Variants in KBTBD11 observed in about 807,000 individuals in gnomAD.
KBTBD11 encodes kelch repeat and BTB domain containing 11, also known as kelch repeat and BTB domain-containing protein 11.
For synonymous variants in KBTBD11, 747 were observed against 499.0 expected, an observed-to-expected ratio of 1.50 and a Z score of -6.63; for missense variants, 1,390 against 1,001.8, an observed-to-expected ratio of 1.39 and a Z score of -5.23.
intron 1 of KBTBD11, among the ~76,000 whole-genome samples, chr8:1,983,253 G>T (rs186717008): frequency 3.9e-5 from 6 of 152,154 alleles, no homozygotes; most frequent in African/African-American, 1.2e-4. Flanking sequence ...CTGCCACCCT[G>T]TGTGCACCCC....
rs149152516 is a variant in KBTBD11 at position 1,999,392 on chromosome 8, C to G, written c.-908-893C>G. On this transcript the variant is annotated intron_variant, in intron 1 of 1. Transcript: ENST00000320248. Reference sequence around the variant, plus strand: ...ACACGCATTCTGTATAAAGATAAGCCTGGTCATGTTTTGGATGGTTGTGTT... The same window carrying G: ...ACACGCATTCTGTATAAAGATAAGCGTGGTCATGTTTTGGATGGTTGTGTT... Among the ~76,000 whole-genome samples, 384 of 152,252 alleles carry G rather than the reference C, an allele frequency of 2.5e-3. 2 individuals carry two copies. Among genetic ancestry groups the G allele is most frequent in the African/African-American group, 8.9e-3 (370 of 41,536 alleles).
Position 2,001,477 on chromosome 8 carries a change from G to T in KBTBD11, c.285G>T (p.Glu95Asp), listed in dbSNP as rs1236054376. 4.3e-6 allele frequency: 6 copies of T among 1,379,666 alleles called. No individual in the cohort carries two copies. The highest frequency in any genetic ancestry group is 1.5e-5 in the African/African-American group (1 of 65,542). The allele number at this position is 1,379,666 out of a possible 1,614,324, so 85.5% of individuals were successfully genotyped here. ...AASPEELASPEERACPEEPAA... is the reference protein window; with the variant it reads ...AASPEELASPDERACPEEPAA... ...CCCCGGAGGAGCTCGCGTCCCCTGA[G>T]GAGCGCGCGTGCCCGGAAGAGCCCG... The change falls in exon 2 of 2, where the codon GAG becomes GAT. Residue 95 changes from glutamate to aspartate, a missense_variant. Transcript: ENST00000320248.
chr8:1,983,834 A>G lies in KBTBD11; in HGVS notation c.-909+9899A>G, dbSNP rs963756745. The stretch of plus-strand genomic sequence containing the variant: ...TTGAAGTCTAACATACAAACTGGAA[A>G]AAGTCACACATGGGGCTGGGCGTGG... On this transcript the variant is annotated intron_variant, in intron 1 of 1. Coordinates refer to ENST00000320248, the MANE Select transcript of KBTBD11 (RefSeq NM_014867.3). Among the ~76,000 whole-genome samples, 4 of 152,264 alleles carry G rather than the reference A, an allele frequency of 2.6e-5. No individual in the cohort carries two copies. The South Asian group carries it at 8.3e-4, about 31-fold the overall frequency.
intron 1 of KBTBD11, among the ~76,000 whole-genome samples, chr8:1,979,781 G>A (rs11783884): frequency 0.75 from 113,677 of 152,182 alleles, 42,648 homozygotes; most frequent in South Asian, 0.85. Flanking sequence ...TGGCCCACGC[G>A]GTCCTGAAGT....
At position 2,001,989 on chromosome 8, in the gene KBTBD11, T is replaced by G; in HGVS notation, c.797T>G (p.Val266Gly). ...TTCATGAGCGACCACTATCTGGAGGTGCTGCGCGAGCCCGCCGTGTTCGGC... is the reference window on the plus strand; with the variant it reads ...TTCATGAGCGACCACTATCTGGAGGGGCTGCGCGAGCCCGCCGTGTTCGGC... ...YCFMSDHYLEVLREPAVFGRL... is the reference protein window; with the variant it reads ...YCFMSDHYLEGLREPAVFGRL... The change falls in exon 2 of 2, where the codon GTG (valine) becomes GGG (glycine). Residue 266 changes from valine (V) to glycine (G), a missense_variant. By Grantham distance (109) the Val-to-Gly change is moderately radical. Transcript: ENST00000320248. The G allele has an allele frequency of 7.0e-7, 1 of 1,435,750 alleles. No homozygotes were observed. The highest frequency in any genetic ancestry group is 9.2e-7 in the Non-Finnish European group (1 of 1,088,342). The allele number at this position is 1,435,750 out of a possible 1,614,324, so 88.9% of individuals were successfully genotyped here.
chr8:1,986,917 A>C (rs775665466), intron 1 of KBTBD11, among the ~76,000 whole-genome samples: 6 of 150,098 alleles, frequency 4.0e-5, no homozygotes, highest in Non-Finnish European at 7.4e-5. Flanking sequence ...TCACTCCTGT[A>C]ATCTCAGCTC....
In KBTBD11 at chr8:2,001,175, G is replaced by A; in HGVS notation, c.-18G>A. On this transcript the variant is annotated 5_prime_UTR_variant, in exon 2 of 2. Transcript: ENST00000320248. ...GCGGAACCGGGGGCGCGCGGGCGCA[G>A]CGCAGCACAGCCCGGCCATGGAGCA... 1 of 1,326,182 alleles carries A rather than the reference G, an allele frequency of 7.5e-7. No homozygotes were observed. The highest frequency in any genetic ancestry group is 9.6e-7 in the Non-Finnish European group (1 of 1,038,696). 82.2% of individuals were successfully genotyped at this position (1,326,182 alleles called of 1,614,324 possible). A position where few individuals can be genotyped will look rare whatever the true frequency, so the allele number is the denominator to read the frequency against.
chr8:2,003,624 TA>T lies in KBTBD11; in HGVS notation c.*563del, dbSNP rs1817483232. 6.0e-6 allele frequency: 1 copy of T among 167,062 alleles called. No homozygotes were observed. Among genetic ancestry groups the T allele is most frequent in the African/African-American group, 2.4e-5 (1 of 41,452 alleles). The allele number at this position is 167,062 out of a possible 1,614,324, so 10.3% of individuals were successfully genotyped here. On this transcript the variant is annotated 3_prime_UTR_variant, in exon 2 of 2. Transcript: ENST00000320248. ...CCAAAAAGAGTAATTTAATAAGCAT[TA>T]AAGGTAAAATCTTTGATTACCAGTA... is the stretch of plus-strand genomic sequence containing the variant.
chr8:1,979,233 G>A (rs111517427), intron 1 of KBTBD11, among the ~76,000 whole-genome samples: 4 of 152,174 alleles, frequency 2.6e-5, no homozygotes, highest in Non-Finnish European at 4.4e-5. Flanking sequence ...GGGAACCTCC[G>A]CCTTTTTAAG....
rs911647858 is a variant in KBTBD11 at position 1,997,431 on chromosome 8, T to C, written c.-908-2854T>C. 2.7e-5 allele frequency among the ~76,000 whole-genome samples: 4 copies of C among 149,896 alleles called. No individual in the cohort carries two copies. In the East Asian group the frequency reaches 7.8e-4, roughly 29 times the overall value. ...AAAAAAAAAAAGTCTTAATGTTGAG[T>C]TTCTTTTAACATAATTTGAGACAGA... On this transcript the variant is annotated intron_variant, in intron 1 of 1. Transcript: ENST00000320248.
At position 2,002,556 on chromosome 8, in the gene KBTBD11, G is replaced by A. The variant is rs751618922; in HGVS notation, c.1364G>A (p.Cys455Tyr). The A allele has an allele frequency of 3.2e-6, 5 of 1,575,086 alleles. No individual in the cohort carries two copies. Among genetic ancestry groups the A allele is most frequent in the Non-Finnish European group, 4.3e-6 (5 of 1,170,218 alleles). Residue 455 changes from cysteine to tyrosine, a missense_variant, in exon 2 of 2, where the codon TGC becomes TAC. Cys to Tyr is a radical substitution (Grantham distance 194, BLOSUM62 -2). Coordinates refer to ENST00000320248, the MANE Select transcript of KBTBD11 (RefSeq NM_014867.3). This position sits in a 1 kb window ranked among gnomAD's most constrained non-coding sequence, Gnocchi z 4.1. ...AFAVAHEATTCHGEIYVSGGS... is the reference protein window; with the variant it reads ...AFAVAHEATTYHGEIYVSGGS... Reference sequence around the variant, plus strand: ...GCCGTGGCGCATGAGGCCACCACCTGCCACGGCGAGATCTACGTGTCCGGG... The same window carrying A: ...GCCGTGGCGCATGAGGCCACCACCTACCACGGCGAGATCTACGTGTCCGGG...
intron 1 of KBTBD11, among the ~76,000 whole-genome samples, chr8:1,991,120 G>C (rs575371921): frequency 1.3e-5 from 2 of 151,736 alleles, no homozygotes; most frequent in African/African-American, 4.9e-5. Context: ...TTGGCGCCCT[G>C]TCCGGGTAGA....
intron 1 of KBTBD11, among the ~76,000 whole-genome samples, chr8:1,999,847 T>A (rs2129315722): frequency 6.6e-6 from 1 of 152,374 alleles, no homozygotes; most frequent in South Asian, 2.1e-4. Context: ...TGTGATCTGT[T>A]AATAAATTAA....
rs970565805 is a variant in KBTBD11, at chr8:2,002,784, C to T, written c.1592C>T (p.Ala531Val). The T allele has an allele frequency of 2.7e-6, 4 of 1,467,512 alleles. No individual in the cohort carries two copies. The Admixed American group carries it at 9.8e-5, about 36-fold the overall frequency. The allele number at this position is 1,467,512 out of a possible 1,614,324, so 90.9% of individuals were successfully genotyped here. The stretch of plus-strand genomic sequence containing the variant: ...AGCGTGTCCCGATACCACTGCCTGG[C>T]CAAGCAGTGGAGCCCGTGCGTCGCG... ...GVSVSRYHCL[A>V]KQWSPCVAPL... is the part of the protein sequence containing the mutation. Residue 531 changes from alanine to valine, a missense_variant, in exon 2 of 2, where the codon GCC becomes GTC. Ala to Val is a moderately conservative substitution (Grantham distance 64, BLOSUM62 0). Transcript: ENST00000320248. This position sits in a 1 kb window ranked among gnomAD's most constrained non-coding sequence, Gnocchi z 4.1.
chr8:1,991,738 G>C (rs1190338754), intron 1 of KBTBD11, among the ~76,000 whole-genome samples: 5 of 151,978 alleles, frequency 3.3e-5, no homozygotes, highest in African/African-American at 2.4e-5. Flanking sequence ...CCCAGTGATG[G>C]AGTGGCAGAG....
At chr8:1,994,106 A>G (rs7826277) in intron 1 of KBTBD11, among the ~76,000 whole-genome samples, 84,941 of 151,998 alleles carry the variant, frequency 0.56, 24,746 homozygotes, top group East Asian at 0.83. Context: ...TTAGACTTCA[A>G]GAATATCTAT....
intron 1 of KBTBD11, among the ~76,000 whole-genome samples, chr8:1,987,074 G>A (rs1409446990): frequency 2.7e-5 from 4 of 150,156 alleles, no homozygotes; most frequent in Non-Finnish European, 4.4e-5. Context: ...TGAATGATAC[G>A]GTCTATGTGG....
chr8:1,974,240 G>A, intron 1 of KBTBD11: 1 of 949,652 alleles, frequency 1.1e-6, no homozygotes. Context: ...GGGGGGCGTG[G>A]GGGCCTCCTC....
intron 1 of KBTBD11, among the ~76,000 whole-genome samples, chr8:1,983,643 C>T (rs1369260137): frequency 2.0e-5 from 3 of 152,116 alleles, no homozygotes; most frequent in African/African-American, 7.2e-5. Context: ...CAGTTTTGTG[C>T]AAATAAGACC....
Sources: allele counts gnomAD v4.1 joint callset (sites outside exome capture counted in the v4.1 genomes callset), GRCh38; gene constraint gnomAD v4.1.1; non-coding constraint Gnocchi (gnomAD v3.1); transcripts MANE v1.5; gene names NCBI Gene and HGNC (gene_info 2026-07-23, HGNC 2026-07-21).